The following DLG2 variants were observed in gnomAD, a reference collection of about 807,000 sequenced individuals.
The protein encoded by DLG2 is disks large homolog 2.
DLG2 carries 45 observed loss-of-function variants against 132.5 expected under a neutral mutation model. That is an observed-to-expected ratio of 0.34 (90% CI 0.27 to 0.44). The LOEUF (loss-of-function observed/expected upper bound fraction) is 0.44, where lower values mean the gene tolerates loss of function less well. Ranked by LOEUF, DLG2 falls within the 20% of genes least tolerant of loss-of-function variation. The pLI, the probability that DLG2 is intolerant of heterozygous loss-of-function variation, is 1.00. For missense variants in DLG2, 1,045 were observed against 1,196.9 expected (o/e 0.87, Z 1.87); for synonymous variants, 424 against 419.6 (o/e 1.01, Z -0.13).
rs187896593 is a variant in DLG2, at chr11:84,034,114, A to C, written c.919+25201T>G. 4.8e-3 allele frequency among the ~76,000 whole-genome samples: 735 copies of C among 151,934 alleles called. 3 individuals are homozygous for C. The highest frequency in any genetic ancestry group is 0.017 in the African/African-American group (716 of 41,464). On this transcript the variant is annotated intron_variant, in intron 11 of 27. Transcript: ENST00000376104. Reference sequence around the variant, plus strand: ...ATAAATAAATAAAAATAATAAAATAAAATAAAATTTACCATAGCCACCCCA... The same window carrying C: ...ATAAATAAATAAAAATAATAAAATACAATAAAATTTACCATAGCCACCCCA...
intron 4 of DLG2, among the ~76,000 whole-genome samples, chr11:85,191,158 GCGCGCACA>G (rs1478816147): frequency 0.018 from 2,094 of 113,414 alleles, 48 homozygotes; most frequent in African/African-American, 0.068. Flanking sequence ...GCGCGCGCAC[GCGCGCACA>G]CACACACACA....
At position 83,720,512 on chromosome 11, in the gene DLG2, C is replaced by T. The variant is rs112342087; in HGVS notation, c.1825+66178G>A. Among the ~76,000 whole-genome samples the T allele has an allele frequency of 2.7e-3, 409 of 151,896 alleles. 1 individual carries two copies. Among genetic ancestry groups the T allele is most frequent in the African/African-American group, 9.2e-3 (382 of 41,444 alleles). On this transcript the variant is annotated intron_variant, in intron 18 of 27. Coordinates refer to ENST00000376104, the MANE Select transcript of DLG2 (RefSeq NM_001142699.3). ...TGGAAGAATGAGGTTCTAAAAGCTT[C>T]ATAGGCTTAGTAAAGACTATATAAA...
intron 7 of DLG2, among the ~76,000 whole-genome samples, chr11:84,508,052 A>G (rs2099246613): frequency 6.6e-6 from 1 of 152,224 alleles, no homozygotes; most frequent in Non-Finnish European, 1.5e-5. Flanking sequence ...CCTTTTCAAA[A>G]TATAAATCAC....
chr11:85,615,025 T>C (rs1315145089), intron 2 of DLG2, among the ~76,000 whole-genome samples: 3 of 152,246 alleles, frequency 2.0e-5, no homozygotes, highest in Non-Finnish European at 4.4e-5. Flanking sequence ...TAAAAAAGAA[T>C]TGTTTGAATA....
chr11:84,249,545 G>A (rs1005257897), intron 8 of DLG2, among the ~76,000 whole-genome samples: 15 of 152,146 alleles, frequency 9.9e-5, no homozygotes, highest in Non-Finnish European at 1.9e-4. Flanking sequence ...TTTCCCAAGT[G>A]TAAAAATAGA....
intron 4 of DLG2, among the ~76,000 whole-genome samples, chr11:85,192,644 C>A (rs1012259048): frequency 6.6e-6 from 1 of 152,064 alleles, no homozygotes; most frequent in Non-Finnish European, 1.5e-5. Context: ...ATAAGAGGAC[C>A]CAATTTTTCC....
intron 6 of DLG2, among the ~76,000 whole-genome samples, chr11:84,976,428 G>A (rs1336286391): frequency 6.6e-6 from 1 of 152,072 alleles, no homozygotes; most frequent in East Asian, 1.9e-4. Flanking sequence ...ATGTACTTGT[G>A]ATAATAAATC....
At chr11:83,764,669 T>A (rs1593925902) in intron 18 of DLG2, among the ~76,000 whole-genome samples, 1 of 152,372 alleles carries the variant, frequency 6.6e-6, no homozygotes, top group South Asian at 2.1e-4. Context: ...ATAAAGAGAC[T>A]GATACACCAA....
chr11:85,302,659 A>C (rs59583891), intron 3 of DLG2, among the ~76,000 whole-genome samples: 15,852 of 151,870 alleles, frequency 0.1, 933 homozygotes, highest in African/African-American at 0.16. Flanking sequence ...AAAAAAAAAA[A>C]AAAAAACAGT....
At chr11:85,130,482 A>G (rs1215252438) in intron 5 of DLG2, among the ~76,000 whole-genome samples, 1 of 152,166 alleles carries the variant, frequency 6.6e-6, no homozygotes, top group East Asian at 1.9e-4. Flanking sequence ...GCTATTACCA[A>G]TGGAAATATT....
At chr11:84,270,552 A>T (rs1047350046) in intron 7 of DLG2, among the ~76,000 whole-genome samples, 1 of 152,216 alleles carries the variant, frequency 6.6e-6, no homozygotes, top group Admixed American at 6.5e-5. Context: ...GGGGCAGATT[A>T]TATCATGACT....
intron 18 of DLG2, among the ~76,000 whole-genome samples, chr11:83,722,998 T>C (rs1479102437): frequency 2.6e-5 from 4 of 152,232 alleles, no homozygotes; most frequent in Non-Finnish European, 5.9e-5. Flanking sequence ...TGTGTGGCTA[T>C]GTTACATGCA....
Position 85,150,010 on chromosome 11 carries a change from A to ATTTTTTTTTTTTT in DLG2, c.282+4533_282+4545dup, listed in dbSNP as rs962380618. Among the ~76,000 whole-genome samples the ATTTTTTTTTTTTT allele has an allele frequency of 3.0e-3, 342 of 112,302 alleles. 15 individuals carry two copies. Among genetic ancestry groups the ATTTTTTTTTTTTT allele is most frequent in the East Asian group, 0.016 (60 of 3,702 alleles). 73.7% of individuals were successfully genotyped at this position (112,302 alleles called of 152,430 possible). The stretch of plus-strand genomic sequence containing the variant: ...ATTAACTCAAAAACATCAGTTTTTA[A>ATTTTTTTTTTTTT]TTTTTTTTTTTTTTTTTTTTTTTTT... On this transcript the variant is annotated intron_variant, in intron 5 of 27. Coordinates refer to ENST00000376104, the MANE Select transcript of DLG2 (RefSeq NM_001142699.3).
chr11:84,877,856 A>T (rs2086630862), intron 6 of DLG2, among the ~76,000 whole-genome samples: 1 of 152,134 alleles, frequency 6.6e-6, no homozygotes, highest in South Asian at 2.1e-4. Flanking sequence ...CAAGGAACTT[A>T]AACAAATTTA....
At chr11:85,170,445 A>C (rs1343234947) in intron 4 of DLG2, among the ~76,000 whole-genome samples, 1 of 152,082 alleles carries the variant, frequency 6.6e-6, no homozygotes, top group Non-Finnish European at 1.5e-5. Context: ...CCAAGGGGAG[A>C]GTAATTCTGC....
intron 6 of DLG2, among the ~76,000 whole-genome samples, chr11:85,038,543 C>T (rs1375375186): frequency 2.0e-5 from 3 of 152,008 alleles, no homozygotes; most frequent in East Asian, 1.9e-4. Context: ...TTCTCCATAT[C>T]GTGCTTCCAC....
At chr11:83,896,217 C>T (rs1555141997) in intron 15 of DLG2, among the ~76,000 whole-genome samples, 2 of 152,106 alleles carry the variant, frequency 1.3e-5, no homozygotes, top group Non-Finnish European at 1.5e-5. Flanking sequence ...ATGAAAACGA[C>T]AATAAATAGA....
At chr11:83,926,197 C>T (rs77437230) in intron 15 of DLG2, among the ~76,000 whole-genome samples, 3,689 of 152,286 alleles carry the variant, frequency 0.024, 148 homozygotes, top group African/African-American at 0.081. Flanking sequence ...GAGCTGAGAA[C>T]TTGGGTATTC....
chr11:84,930,054 A>G (rs895229818), intron 6 of DLG2, among the ~76,000 whole-genome samples: 2 of 152,160 alleles, frequency 1.3e-5, no homozygotes, highest in African/African-American at 4.8e-5. Flanking sequence ...TAAAAGACTG[A>G]AAGGACAATG....
Sources: allele counts gnomAD v4.1 joint callset (sites outside exome capture counted in the v4.1 genomes callset), GRCh38; gene constraint gnomAD v4.1.1; transcripts MANE v1.5; gene names NCBI Gene and HGNC (gene_info 2026-07-23, HGNC 2026-07-21).